RIMBP2: variants seen among roughly 807,000 people sequenced by gnomAD.
The protein encoded by RIMBP2 is RIMS-binding protein 2.
In RIMBP2, 48 loss-of-function variants were observed where a neutral mutation model predicts 118.6. The observed-to-expected ratio is 0.40, with a 90% CI of 0.32 to 0.51. The LOEUF is 0.51. RIMBP2 is among the 20% of genes least tolerant of loss of function. RIMBP2 has a pLI of 0.41. For synonymous variants in RIMBP2, 762 were observed against 742.9 expected, an observed-to-expected ratio of 1.03 and a Z score of -0.42; for missense variants, 1,551 against 1,768.3, an observed-to-expected ratio of 0.88 and a Z score of 2.20.
chr12:130,537,720 C>T (rs368758305), intron 2 of RIMBP2, among the ~76,000 whole-genome samples: 75 of 152,290 alleles, frequency 4.9e-4, no homozygotes, highest in East Asian at 1.7e-3. Flanking sequence ...AGGAAACTCT[C>T]GTCCTATCAT....
chr12:130,441,289 T>C (rs1387351272), intron 11 of RIMBP2, among the ~76,000 whole-genome samples: 2 of 151,672 alleles, frequency 1.3e-5, no homozygotes, highest in African/African-American at 4.8e-5. Context: ...TAATCCCAGC[T>C]ACTCAGGAGG....
chr12:130,480,486 G>A (rs2081890597), intron 4 of RIMBP2, among the ~76,000 whole-genome samples: 1 of 152,260 alleles, frequency 6.6e-6, no homozygotes, highest in South Asian at 2.1e-4. Flanking sequence ...CTTGGCCCCA[G>A]CGAGCCATGG....
intron 2 of RIMBP2, among the ~76,000 whole-genome samples, chr12:130,566,970 G>T (rs1384184112): frequency 6.6e-6 from 1 of 152,140 alleles, no homozygotes; most frequent in African/African-American, 2.4e-5. Flanking sequence ...TCGATGGTTA[G>T]GGTGGGCTTA....
intron 1 of RIMBP2, among the ~76,000 whole-genome samples, chr12:130,715,127 T>G (rs1032748272): frequency 7.2e-5 from 11 of 152,240 alleles, no homozygotes; most frequent in African/African-American, 2.7e-4. Flanking sequence ...CTGCTCCATC[T>G]GTGACATTTC....
At chr12:130,467,420 C>A (rs148108853) in intron 6 of RIMBP2, among the ~76,000 whole-genome samples, 3,178 of 152,340 alleles carry the variant, frequency 0.021, 93 homozygotes, top group East Asian at 0.16. Flanking sequence ...CACCCAGGAA[C>A]TGACTCAGTG....
rs1001953722 is a variant in RIMBP2 at position 130,450,606 on chromosome 12, T to A, written c.505-330A>T. The stretch of plus-strand genomic sequence containing the variant: ...GCGGCGTGGCCTTTTCTCATAGGGG[T>A]GGGGGTAAAATTAAGCAGTATGTGC... On this transcript the variant is annotated intron_variant, in intron 8 of 22. Transcript: ENST00000690449. The surrounding 1 kb of genome is among the most constrained non-coding windows in gnomAD (Gnocchi z 4.8). Among the ~76,000 whole-genome samples the A allele has an allele frequency of 1.2e-4, 18 of 151,188 alleles. No homozygotes were observed. Among genetic ancestry groups the A allele is most frequent in the African/African-American group, 4.1e-4 (17 of 40,988 alleles).
intron 2 of RIMBP2, among the ~76,000 whole-genome samples, chr12:130,624,470 G>A (rs1030217412): frequency 4.6e-5 from 7 of 151,392 alleles, no homozygotes; most frequent in Admixed American, 3.3e-4. Context: ...ACACCAAGAC[G>A]TGTGTGTGTG....
chr12:130,699,339 C>T (rs1566466177), intron 1 of RIMBP2, among the ~76,000 whole-genome samples: 4 of 151,990 alleles, frequency 2.6e-5, no homozygotes, highest in Admixed American at 2.0e-4. Context: ...AAATGTCCAA[C>T]AACAATAGAC....
At chr12:130,701,299 G>A (rs1355209695) in intron 1 of RIMBP2, among the ~76,000 whole-genome samples, 1 of 152,178 alleles carries the variant, frequency 6.6e-6, no homozygotes, top group African/African-American at 2.4e-5. Flanking sequence ...AAGCTGCCTG[G>A]GAAGGCCTTG....
At chr12:130,546,228 C>T (rs1477943158) in intron 2 of RIMBP2, among the ~76,000 whole-genome samples, 1 of 150,576 alleles carries the variant, frequency 6.6e-6, no homozygotes, top group Non-Finnish European at 1.5e-5. Context: ...CTCAGCCACC[C>T]GAGTAGCTGG....
intron 1 of RIMBP2, among the ~76,000 whole-genome samples, chr12:130,707,492 A>G (rs1436473027): frequency 6.6e-6 from 1 of 152,104 alleles, no homozygotes; most frequent in African/African-American, 2.4e-5. Context: ...CCTGAACAAC[A>G]TGATGAGTGA....
At chr12:130,634,110 G>C (rs925115456) in intron 1 of RIMBP2, among the ~76,000 whole-genome samples, 6 of 152,168 alleles carry the variant, frequency 3.9e-5, no homozygotes, top group African/African-American at 1.4e-4. Context: ...CCTGTCCTTC[G>C]ACAACGAGCT....
rs141268167 is a variant in RIMBP2 at position 130,424,469 on chromosome 12, G to A, written c.2802C>T (p.Phe934=). 110 of 1,232,130 alleles carry A rather than the reference G, an allele frequency of 8.9e-5. No homozygotes were observed. Among genetic ancestry groups the A allele is most frequent in the South Asian group, 7.4e-4 (18 of 24,316 alleles). 76.3% of individuals were successfully genotyped at this position (1,232,130 alleles called of 1,614,324 possible). Residue 934 remains phenylalanine (F), a synonymous_variant, in exon 16 of 23, where the codon TTC becomes TTT. Transcript: ENST00000690449. The surrounding 1 kb of genome is among the most constrained non-coding windows in gnomAD (Gnocchi z 9.8). ...GSEEDESRFG[F]GNTVAACSPG... ...GGCTGCACGCGGCCACGGTGTTTCCGAAGCCAAACCGCGACTCGTCCTCTT... is the reference window on the plus strand; with the variant it reads ...GGCTGCACGCGGCCACGGTGTTTCCAAAGCCAAACCGCGACTCGTCCTCTT...
chr12:130,436,865 G>A lies in RIMBP2; in HGVS notation c.2083C>T (p.Gln695Ter). The A allele has an allele frequency of 6.6e-7, 1 of 1,521,136 alleles. No individual in the cohort carries two copies. Among genetic ancestry groups the A allele is most frequent in the Non-Finnish European group, 8.8e-7 (1 of 1,136,604 alleles). The allele number at this position is 1,521,136 out of a possible 1,614,324, so 94.2% of individuals were successfully genotyped here. A position where few individuals can be genotyped will look rare whatever the true frequency, so the allele number is the denominator to read the frequency against. The change falls in exon 13 of 23, where the codon CAG becomes TAG. Residue 695 changes from glutamine (Q) to a stop codon, truncating the protein, a stop_gained. Coordinates refer to ENST00000690449, the MANE Select transcript of RIMBP2 (RefSeq NM_001393629.1). LOFTEE classifies it high-confidence loss of function. ...VAKAMAREAAQRVAESSRLEK... is the reference protein window; with the variant it reads ...VAKAMAREAA ...ACCCTGCTGCTCTCGGCCACCCTCT[G>A]CGCGGCCTCCCGGGCCATGGCCTTG...
At chr12:130,546,495 C>T (rs1446457407) in intron 2 of RIMBP2, among the ~76,000 whole-genome samples, 3 of 152,016 alleles carry the variant, frequency 2.0e-5, no homozygotes, top group Non-Finnish European at 2.9e-5. Context: ...GGGGTTTTGC[C>T]GTGTTGGCCA....
intron 2 of RIMBP2, among the ~76,000 whole-genome samples, chr12:130,625,767 C>T (rs1251124725): frequency 6.6e-6 from 1 of 152,174 alleles, no homozygotes; most frequent in African/African-American, 2.4e-5. Context: ...CTTCCAACCC[C>T]AGAATGACCA....
At chr12:130,641,268 C>G (rs1336399583) in intron 1 of RIMBP2, among the ~76,000 whole-genome samples, 1 of 152,160 alleles carries the variant, frequency 6.6e-6, no homozygotes, top group Non-Finnish European at 1.5e-5. Context: ...CCAGGTCTCC[C>G]AAGACTGCAG....
At chr12:130,418,668 G>T (rs751131488) in intron 17 of RIMBP2, among the ~76,000 whole-genome samples, 1 of 152,224 alleles carries the variant, frequency 6.6e-6, no homozygotes, top group East Asian at 1.9e-4. Context: ...GTGCAGAGGG[G>T]TCAGGGGCTA....
intron 1 of RIMBP2, among the ~76,000 whole-genome samples, chr12:130,702,392 C>T (rs2065895725): frequency 6.6e-6 from 1 of 151,912 alleles, no homozygotes; most frequent in Non-Finnish European, 1.5e-5. Context: ...GGCACATGCC[C>T]GTAATCCCAG....
Sources: gnomAD v4.1 joint callset for allele counts (sites outside exome capture counted in the v4.1 genomes callset) on GRCh38, gnomAD v4.1.1 for gene constraint, Gnocchi (gnomAD v3.1) non-coding constraint, MANE v1.5 for transcripts, NCBI Gene and HGNC (gene_info 2026-07-23, HGNC 2026-07-21) for gene names.